Variants in UNC5D observed in about 807,000 individuals in gnomAD.
UNC5D encodes netrin receptor UNC5D.
Under a neutral mutation model 105.4 loss-of-function variants are expected in UNC5D, and 39 were observed. The ratio of observed to expected loss-of-function variants is 0.37; its 90% confidence interval spans 0.29 to 0.48. The LOEUF is 0.48. Ranked by LOEUF, UNC5D falls within the 20% of genes least tolerant of loss-of-function variation. The pLI is 0.98. For synonymous variants in UNC5D, 452 were observed against 450.4 expected (o/e 1.00, Z -0.04); for missense variants, 991 against 1,202.4 (o/e 0.82, Z 2.60).
chr8:35,676,810 C>T (rs1563657119), intron 4 of UNC5D, among the ~76,000 whole-genome samples: 1 of 151,846 alleles, frequency 6.6e-6, no homozygotes, highest in Non-Finnish European at 1.5e-5. Context: ...GCATTGAGCT[C>T]CTCTTTGTGA....
At chr8:35,477,275 CATA>C (rs1403334669) in intron 1 of UNC5D, among the ~76,000 whole-genome samples, 1 of 151,950 alleles carries the variant, frequency 6.6e-6, no homozygotes, top group Non-Finnish European at 1.5e-5. Flanking sequence ...TTTCATTTCT[CATA>C]ATAACTTCTA....
chr8:35,568,327 G>A, intron 3 of UNC5D, 86 bp downstream of exon 3: 1 of 1,489,108 alleles, frequency 6.7e-7, no homozygotes, highest in Non-Finnish European at 9.1e-7. Flanking sequence ...GATGTCAGAT[G>A]CTTCTACAGA....
intron 1 of UNC5D, among the ~76,000 whole-genome samples, chr8:35,297,610 C>G (rs1449432348): frequency 6.6e-6 from 1 of 152,102 alleles, no homozygotes; most frequent in Non-Finnish European, 1.5e-5. Flanking sequence ...ACAGGCCCAG[C>G]CTTTTCTTTG....
In UNC5D at chr8:35,354,048, G is replaced by A. The variant is rs534692548; in HGVS notation, c.103+118161G>A. 5.3e-5 allele frequency among the ~76,000 whole-genome samples: 8 copies of A among 151,984 alleles called. 1 individual carries two copies. The highest frequency in any genetic ancestry group is 1.9e-4 in the African/African-American group (8 of 41,420). On this transcript the variant is annotated intron_variant, in intron 1 of 16. Coordinates refer to ENST00000404895, the MANE Select transcript of UNC5D (RefSeq NM_080872.4). Reference sequence around the variant, plus strand: ...GAAACATATATTTAAAATATAATATGAATAATATATTAATGTGACTGCCTA... The same window carrying A: ...GAAACATATATTTAAAATATAATATAAATAATATATTAATGTGACTGCCTA...
intron 4 of UNC5D, among the ~76,000 whole-genome samples, chr8:35,662,848 G>A (rs1273894751): frequency 6.6e-6 from 1 of 152,172 alleles, no homozygotes; most frequent in African/African-American, 2.4e-5. Flanking sequence ...GAGGTAAGAA[G>A]CAGGCGAGGG....
intron 1 of UNC5D, among the ~76,000 whole-genome samples, chr8:35,482,945 G>A (rs1392117686): frequency 6.6e-6 from 1 of 151,820 alleles, no homozygotes; most frequent in African/African-American, 2.4e-5. Context: ...TGGGATTACA[G>A]GCGCCTGCCA....
rs753608276 is a variant in UNC5D at position 35,726,244 on chromosome 8, A to G, written c.1396A>G (p.Lys466Glu). Residue 466 changes from lysine (K) to glutamate (E), a missense_variant, in exon 10 of 17, where the codon AAG (lysine) becomes GAG (glutamate). Lys to Glu is a moderately conservative substitution (Grantham distance 56). Transcript: ENST00000404895. ...CATCTGTCTGCAGGACCCTCTGGAC[A>G]AGGAGCTCATGACAGAGTCCTCACT... ...GPICLQDPLD[K>E]ELMTESSLFN... 9 of 1,614,144 alleles carry G rather than the reference A, an allele frequency of 5.6e-6. No homozygotes were observed. The South Asian group carries it at 9.9e-5, about 18-fold the overall frequency.
chr8:35,479,188 T>A (rs909645043), intron 1 of UNC5D, among the ~76,000 whole-genome samples: 1 of 152,178 alleles, frequency 6.6e-6, no homozygotes, highest in African/African-American at 2.4e-5. Flanking sequence ...GTCTCAAGCC[T>A]GAGGCAGAAA....
intron 11 of UNC5D, among the ~76,000 whole-genome samples, chr8:35,746,604 T>C (rs1027622975): frequency 3.9e-5 from 6 of 152,160 alleles, no homozygotes; most frequent in Admixed American, 3.9e-4. Context: ...CCTAAAGCTG[T>C]TTAAGTTACC....
At chr8:35,596,632 T>C (rs1328980204) in intron 4 of UNC5D, among the ~76,000 whole-genome samples, 1 of 152,090 alleles carries the variant, frequency 6.6e-6, no homozygotes, top group Non-Finnish European at 1.5e-5. Flanking sequence ...TCAATCAACA[T>C]ATGTAAGACA....
At chr8:35,363,167 C>T (rs747097721) in intron 1 of UNC5D, among the ~76,000 whole-genome samples, 15 of 152,090 alleles carry the variant, frequency 9.9e-5, no homozygotes, top group Non-Finnish European at 1.6e-4. Flanking sequence ...AAAGACATAC[C>T]CGAGACTGGG....
intron 4 of UNC5D, among the ~76,000 whole-genome samples, chr8:35,643,325 T>G (rs1822865085): frequency 6.6e-6 from 1 of 152,148 alleles, no homozygotes; most frequent in Non-Finnish European, 1.5e-5. Flanking sequence ...TCGCCTCTCC[T>G]CCTTTTTGCA....
At chr8:35,245,573 A>G (rs1234452436) in intron 1 of UNC5D, among the ~76,000 whole-genome samples, 1 of 152,158 alleles carries the variant, frequency 6.6e-6, no homozygotes, top group Non-Finnish European at 1.5e-5. Flanking sequence ...GGTTTGCTAT[A>G]AAGAAATAAC....
At chr8:35,745,040 G>A (rs181651213) in intron 11 of UNC5D, among the ~76,000 whole-genome samples, 25 of 151,376 alleles carry the variant, frequency 1.7e-4, no homozygotes, top group African/African-American at 5.3e-4. Context: ...GGCGACAAGA[G>A]CAAAACTCTG....
intron 1 of UNC5D, among the ~76,000 whole-genome samples, chr8:35,407,114 A>G (rs777953913): frequency 2.0e-5 from 3 of 152,066 alleles, no homozygotes; most frequent in Non-Finnish European, 4.4e-5. Context: ...AATACTTACC[A>G]TTGTGTTATG....
intron 1 of UNC5D, among the ~76,000 whole-genome samples, chr8:35,332,693 C>T (rs1271388203): frequency 1.3e-5 from 2 of 152,208 alleles, no homozygotes; most frequent in African/African-American, 4.8e-5. Context: ...CTAGGCACTT[C>T]CTTTCTGGGC....
chr8:35,473,403 C>T lies in UNC5D; in HGVS notation c.104-75889C>T, dbSNP rs144555563. ...ACAGCTTTAAGAATAGTGGCTGGCACGTGGTATGCATCCAATAAGTATTTG... is the reference window on the plus strand; with the variant it reads ...ACAGCTTTAAGAATAGTGGCTGGCATGTGGTATGCATCCAATAAGTATTTG... On this transcript the variant is annotated intron_variant, in intron 1 of 16. Transcript: ENST00000404895. 2.8e-4 allele frequency among the ~76,000 whole-genome samples: 42 copies of T among 152,284 alleles called. 1 individual carries two copies. In the East Asian group the frequency reaches 7.3e-3, roughly 27 times the overall value.
chr8:35,344,793 G>A lies in UNC5D; in HGVS notation c.103+108906G>A, dbSNP rs1314100011. Among the ~76,000 whole-genome samples the A allele has an allele frequency of 2.0e-5, 3 of 152,056 alleles. No individual in the cohort carries two copies. In the East Asian group the frequency reaches 5.8e-4, roughly 30 times the overall value. The stretch of plus-strand genomic sequence containing the variant: ...AAAAGCATAGAAATGTTACATGGGG[G>A]ATGAGGTGAACATCATTTTTGCCAA... On this transcript the variant is annotated intron_variant, in intron 1 of 16. Coordinates refer to ENST00000404895, the MANE Select transcript of UNC5D (RefSeq NM_080872.4).
intron 1 of UNC5D, among the ~76,000 whole-genome samples, chr8:35,265,215 C>A (rs1403119922): frequency 6.6e-6 from 1 of 151,950 alleles, no homozygotes; most frequent in South Asian, 2.1e-4. Context: ...TTATCATAGT[C>A]TGATGCTATT....
Sources: gnomAD v4.1 joint callset for allele counts (sites outside exome capture counted in the v4.1 genomes callset) on GRCh38, gnomAD v4.1.1 for gene constraint, MANE v1.5 for transcripts, NCBI Gene and HGNC (gene_info 2026-07-23, HGNC 2026-07-21) for gene names.